CNTNAP2: variants seen among roughly 807,000 people sequenced by gnomAD.
CNTNAP2 encodes the protein contactin-associated protein-like 2.
Under a neutral mutation model 155.2 loss-of-function variants are expected in CNTNAP2, and 98 were observed. The ratio of observed to expected loss-of-function variants is 0.63; its 90% CI spans 0.54 to 0.75. CNTNAP2 has a LOEUF of 0.75. Among genes scored for constraint, CNTNAP2 ranks in the 30% least tolerant of loss-of-function variants. The pLI is 0.00. For missense variants in CNTNAP2, 1,727 were observed against 1,688.1 expected, an observed-to-expected ratio of 1.02 and a Z score of -0.40; for synonymous variants, 651 against 631.2, an observed-to-expected ratio of 1.03 and a Z score of -0.47.
chr7:147,674,403 T>G (rs959390016), intron 13 of CNTNAP2, among the ~76,000 whole-genome samples: 3 of 152,202 alleles, frequency 2.0e-5, no homozygotes, highest in Non-Finnish European at 2.9e-5. Flanking sequence ...TGCAAACTGC[T>G]ATTACTATAG....
At chr7:147,817,993 T>C (rs1002578932) in intron 13 of CNTNAP2, among the ~76,000 whole-genome samples, 1 of 152,038 alleles carries the variant, frequency 6.6e-6, no homozygotes, top group East Asian at 1.9e-4. Context: ...ATGATGAGTT[T>C]ATGGGGATTC....
Position 147,539,254 on chromosome 7 carries a change from G to C in CNTNAP2, c.1778-22884G>C, listed in dbSNP as rs1285050423. ...ATAATAGCTAGCATAATGAGACCTG[G>C]TACTTACACAGCACTCAATAAGTAC... On this transcript the variant is annotated intron_variant, in intron 11 of 23. Transcript: ENST00000361727. Among the ~76,000 whole-genome samples the C allele has an allele frequency of 2.0e-5, 3 of 151,948 alleles. No homozygotes were observed. In the East Asian group the frequency reaches 5.8e-4, roughly 29 times the overall value.
intron 4 of CNTNAP2, among the ~76,000 whole-genome samples, chr7:147,062,473 CAAAAG>C (rs1410021323): frequency 6.6e-6 from 1 of 151,644 alleles, no homozygotes; most frequent in African/African-American, 2.4e-5. Context: ...ATGATATAAT[CAAAAG>C]AGATGGCCTT....
intron 8 of CNTNAP2, among the ~76,000 whole-genome samples, chr7:147,194,472 G>T (rs1466463960): frequency 6.6e-6 from 1 of 152,106 alleles, no homozygotes; most frequent in African/African-American, 2.4e-5. Flanking sequence ...GGATCAAATG[G>T]TATTTCTGGT....
intron 7 of CNTNAP2, among the ~76,000 whole-genome samples, chr7:147,130,781 C>A (rs1563087295): frequency 6.6e-6 from 1 of 152,094 alleles, no homozygotes; most frequent in South Asian, 2.1e-4. Context: ...ACTCCAAAGT[C>A]AGCACCGTTA....
intron 13 of CNTNAP2, among the ~76,000 whole-genome samples, chr7:147,866,384 A>G (rs1379201368): frequency 6.6e-6 from 1 of 152,166 alleles, no homozygotes; most frequent in Non-Finnish European, 1.5e-5. Flanking sequence ...GCTGAGAAAA[A>G]TGTGTATTCT....
chr7:147,217,689 T>G (rs2116586151), intron 8 of CNTNAP2, among the ~76,000 whole-genome samples: 2 of 152,150 alleles, frequency 1.3e-5, no homozygotes, highest in South Asian at 4.1e-4. Flanking sequence ...TTTCCTCAGC[T>G]TCTATCTTTT....
At chr7:147,973,738 C>G (rs541061933) in intron 14 of CNTNAP2, among the ~76,000 whole-genome samples, 44 of 152,170 alleles carry the variant, frequency 2.9e-4, no homozygotes, top group African/African-American at 1.0e-3. Flanking sequence ...GGTGTTTTGG[C>G]TTATATTCTG....
intron 1 of CNTNAP2, among the ~76,000 whole-genome samples, chr7:146,183,582 C>A (rs1798579760): frequency 6.7e-6 from 1 of 149,806 alleles, no homozygotes; most frequent in Non-Finnish European, 1.5e-5. Flanking sequence ...CTGTCAGCAC[C>A]ATCAGGAGAA....
chr7:147,570,478 A>G (rs569639320), intron 12 of CNTNAP2, among the ~76,000 whole-genome samples: 10 of 152,350 alleles, frequency 6.6e-5, no homozygotes, highest in African/African-American at 2.4e-4. Context: ...AACTTTGACA[A>G]TAAAGATAAG....
intron 1 of CNTNAP2, among the ~76,000 whole-genome samples, chr7:146,126,036 A>G (rs554738106): frequency 4.6e-5 from 7 of 152,296 alleles, no homozygotes; most frequent in Admixed American, 4.6e-4. Flanking sequence ...TATGTGTACT[A>G]GGTCATTTAT....
chr7:147,511,097 G>A (rs1053744097), intron 11 of CNTNAP2, among the ~76,000 whole-genome samples: 5 of 151,724 alleles, frequency 3.3e-5, no homozygotes, highest in Non-Finnish European at 7.4e-5. Context: ...ATATATATGT[G>A]AGGAAGCATT....
intron 14 of CNTNAP2, among the ~76,000 whole-genome samples, chr7:147,929,796 A>T (rs1400180279): frequency 1.3e-5 from 2 of 152,330 alleles, no homozygotes; most frequent in Non-Finnish European, 2.9e-5. Flanking sequence ...ACCAAGGGAC[A>T]GTTTTATGGA....
chr7:146,645,301 G>A (rs1799792219), intron 1 of CNTNAP2, among the ~76,000 whole-genome samples: 1 of 152,172 alleles, frequency 6.6e-6, no homozygotes, highest in African/African-American at 2.4e-5. Context: ...TATAACACTA[G>A]TCATAGGTAG....
At chr7:148,102,866 T>A (rs529221668) in intron 15 of CNTNAP2, among the ~76,000 whole-genome samples, 17 of 152,282 alleles carry the variant, frequency 1.1e-4, no homozygotes, top group Non-Finnish European at 1.2e-4. Context: ...AAAGTTAAGG[T>A]TGCGGGCCCA....
chr7:146,207,406 A>G (rs1022854508), intron 1 of CNTNAP2, among the ~76,000 whole-genome samples: 1 of 152,014 alleles, frequency 6.6e-6, no homozygotes, highest in Non-Finnish European at 1.5e-5. Context: ...CTGAGTTTAA[A>G]ATAAGCATCA....
intron 13 of CNTNAP2, among the ~76,000 whole-genome samples, chr7:147,871,420 A>G (rs533078391): frequency 2.2e-4 from 33 of 152,278 alleles, no homozygotes; most frequent in Non-Finnish European, 4.1e-4. Flanking sequence ...GTGCTATTTC[A>G]TTTGAACTGT....
At chr7:146,992,634 C>A (rs1186208010) in intron 3 of CNTNAP2, among the ~76,000 whole-genome samples, 1 of 152,090 alleles carries the variant, frequency 6.6e-6, no homozygotes, top group Non-Finnish European at 1.5e-5. Context: ...TGTACACAGG[C>A]CAATTAGAGT....
intron 1 of CNTNAP2, among the ~76,000 whole-genome samples, chr7:146,670,435 A>G (rs1800282253): frequency 6.6e-6 from 1 of 150,996 alleles, no homozygotes; most frequent in Non-Finnish European, 1.5e-5. Flanking sequence ...TAAGGGAAAA[A>G]AACAAAACTC....
Sources: gnomAD v4.1 joint callset for allele counts (sites outside exome capture counted in the v4.1 genomes callset) on GRCh38, gnomAD v4.1.1 for gene constraint, MANE v1.5 for transcripts, NCBI Gene and HGNC (gene_info 2026-07-23, HGNC 2026-07-21) for gene names.